The following NEDD4L variants were observed in gnomAD, a reference collection of about 807,000 sequenced individuals.
NEDD4L encodes the protein NEDD4 like E3 ubiquitin protein ligase, also known as E3 ubiquitin-protein ligase NEDD4-like.
A neutral mutation model predicts 148.9 loss-of-function variants in NEDD4L; 54 were observed. The ratio of observed to expected loss-of-function variants is 0.36; its 90% CI spans 0.29 to 0.45. The LOEUF is 0.45. Among genes scored for constraint, NEDD4L ranks in the 20% least tolerant of loss-of-function variants. The pLI is 1.00. For missense variants in NEDD4L, 856 were observed against 1,233.8 expected (o/e 0.69, Z 4.59); for synonymous variants, 433 against 440.7 (o/e 0.98, Z 0.22).
intron 2 of NEDD4L, among the ~76,000 whole-genome samples, chr18:58,209,956 C>T (rs571282786): frequency 3.3e-5 from 5 of 152,112 alleles, no homozygotes; most frequent in South Asian, 4.2e-4. Context: ...CACCTGAGGT[C>T]GGGAGTTTGA....
chr18:58,195,387 G>A (rs973914824), intron 2 of NEDD4L: 2 of 1,238,688 alleles, frequency 1.6e-6, no homozygotes, highest in Admixed American at 2.5e-5. Context: ...CCTCTGATGA[G>A]GCACTTCCGT....
At chr18:58,103,020 T>C (rs1234695708) in intron 1 of NEDD4L, among the ~76,000 whole-genome samples, 1 of 152,024 alleles carries the variant, frequency 6.6e-6, no homozygotes, top group East Asian at 1.9e-4. Flanking sequence ...GCTTATTATC[T>C]GTGCTGGCTT....
chr18:58,143,053 G>T (rs565611562), intron 1 of NEDD4L, among the ~76,000 whole-genome samples: 1 of 152,176 alleles, frequency 6.6e-6, no homozygotes, highest in African/African-American at 2.4e-5. Context: ...GGTCAGGAGA[G>T]CTGGCCCCAA....
chr18:58,346,739 G>A (rs1391685249), intron 16 of NEDD4L, among the ~76,000 whole-genome samples: 2 of 152,208 alleles, frequency 1.3e-5, no homozygotes, highest in Non-Finnish European at 2.9e-5. Flanking sequence ...ACATGAAAGA[G>A]TTCCCGTTAT....
At chr18:58,083,620 A>G (rs933461317) in intron 1 of NEDD4L, among the ~76,000 whole-genome samples, 1 of 152,174 alleles carries the variant, frequency 6.6e-6, no homozygotes, top group African/African-American at 2.4e-5. Context: ...CTCGGGAGGC[A>G]GAGCTTGCAG....
intron 1 of NEDD4L, among the ~76,000 whole-genome samples, chr18:58,086,454 G>A (rs547893166): frequency 8.7e-4 from 132 of 152,148 alleles, no homozygotes; most frequent in African/African-American, 3.0e-3. Flanking sequence ...TTTTTATGAT[G>A]TACATTCTCA....
At chr18:58,195,484 G>A (rs753386265) in intron 2 of NEDD4L, 2 of 1,343,764 alleles carry the variant, frequency 1.5e-6, no homozygotes, top group South Asian at 1.2e-5. Flanking sequence ...TAAGCCGCGC[G>A]AGGGTGCCCG....
At chr18:58,322,253 G>C (rs2058856985) in intron 6 of NEDD4L, among the ~76,000 whole-genome samples, 172 bp from the exon 7 acceptor site, 1 of 152,184 alleles carries the variant, frequency 6.6e-6, no homozygotes, top group Admixed American at 6.5e-5. Context: ...GTGACATCTA[G>C]TGGATCTCTA....
At chr18:58,095,084 G>T (rs745726092) in intron 1 of NEDD4L, among the ~76,000 whole-genome samples, 1 of 152,152 alleles carries the variant, frequency 6.6e-6, no homozygotes, top group Non-Finnish European at 1.5e-5. Context: ...TGCTTTTCTA[G>T]ATGTTTCACA....
Position 58,259,766 on chromosome 18 carries a change from G to A in NEDD4L, c.297+7712G>A, listed in dbSNP as rs920864451. Reference sequence around the variant, plus strand: ...AGTAATTCTAACACCTACTGCATATGCTATTGGAGAAGAGAGCGTTCTTTC... The same window carrying A: ...AGTAATTCTAACACCTACTGCATATACTATTGGAGAAGAGAGCGTTCTTTC... On this transcript the variant is annotated intron_variant, in intron 5 of 30. Transcript: ENST00000400345. Among the ~76,000 whole-genome samples the A allele has an allele frequency of 2.6e-5, 4 of 152,210 alleles. No homozygotes were observed. In the South Asian group the frequency reaches 8.3e-4, roughly 32 times the overall value.
intron 1 of NEDD4L, chr18:58,149,618 C>G (rs191017681): frequency 9.1e-7 from 1 of 1,098,442 alleles, no homozygotes; most frequent in East Asian, 2.6e-5. Context: ...CTGTGGCATT[C>G]TGAAGCTCTC....
At chr18:58,215,700 T>C (rs1307038618) in intron 2 of NEDD4L, among the ~76,000 whole-genome samples, 1 of 151,990 alleles carries the variant, frequency 6.6e-6, no homozygotes, top group Admixed American at 6.5e-5. Flanking sequence ...TATACATTTT[T>C]CTAAGTCTGA....
intron 16 of NEDD4L, among the ~76,000 whole-genome samples, chr18:58,346,238 T>G (rs948082939): frequency 6.6e-6 from 1 of 152,168 alleles, no homozygotes; most frequent in African/African-American, 2.4e-5. Context: ...GTTTAAAGAT[T>G]CAAAATCCAA....
chr18:58,258,879 C>A (rs2048965527), intron 5 of NEDD4L, among the ~76,000 whole-genome samples: 1 of 152,174 alleles, frequency 6.6e-6, no homozygotes, highest in Admixed American at 6.5e-5. Flanking sequence ...CTGCCACCGC[C>A]TTACTTATCT....
intron 2 of NEDD4L, among the ~76,000 whole-genome samples, chr18:58,203,441 A>G (rs907197683): frequency 1.3e-5 from 2 of 152,150 alleles, no homozygotes; most frequent in Non-Finnish European, 2.9e-5. Context: ...CTTACATTTC[A>G]GTTTTGGAAG....
chr18:58,266,723 C>T (rs1029851979), intron 5 of NEDD4L, among the ~76,000 whole-genome samples: 1 of 152,126 alleles, frequency 6.6e-6, no homozygotes, highest in Non-Finnish European at 1.5e-5. Flanking sequence ...ATAATATACG[C>T]AGATTGCTGG....
chr18:58,083,240 TAAC>T (rs2083562242), intron 1 of NEDD4L, among the ~76,000 whole-genome samples: 1 of 152,186 alleles, frequency 6.6e-6, no homozygotes, highest in African/African-American at 2.4e-5. Context: ...AACATGATAA[TAAC>T]TAATTGTGTA....
intron 5 of NEDD4L, among the ~76,000 whole-genome samples, chr18:58,271,367 A>ATT (rs1401512405): frequency 6.6e-6 from 1 of 152,098 alleles, no homozygotes; most frequent in Non-Finnish European, 1.5e-5. Flanking sequence ...AGCAACTTTT[A>ATT]TTTTTATTAC....
At chr18:58,257,847 A>AT (rs1456554090) in intron 5 of NEDD4L, among the ~76,000 whole-genome samples, 3 of 152,206 alleles carry the variant, frequency 2.0e-5, no homozygotes, top group Middle Eastern at 6.8e-3. Flanking sequence ...TGAATTGGAT[A>AT]TTTTTTCTCC....
Sources: gnomAD v4.1 joint callset for allele counts (sites outside exome capture counted in the v4.1 genomes callset) on GRCh38, gnomAD v4.1.1 for gene constraint, MANE v1.5 for transcripts, NCBI Gene and HGNC (gene_info 2026-07-23, HGNC 2026-07-21) for gene names.